The following ZNF469 variants were observed in gnomAD, a reference collection of about 807,000 sequenced individuals.
ZNF469 encodes zinc finger protein 469.
A neutral mutation model predicts 1.0 loss-of-function variants in ZNF469; 1 was observed. The observed-to-expected ratio is 1.00, with a 90% CI of 0.35 to 4.73. ZNF469 has a LOEUF of 4.73. Ranked by LOEUF, ZNF469 falls within the 30% of genes most tolerant of loss-of-function variation. ZNF469 has a pLI of 0.16. For missense variants in ZNF469, 6,100 were observed against 5,356.3 expected, an observed-to-expected ratio of 1.14 and a Z score of -4.33; for synonymous variants, 2,703 against 2,363.4, an observed-to-expected ratio of 1.14 and a Z score of -4.17.
At chr16:88,222,065 T>G in the ZNF469 span, among the ~76,000 whole-genome samples, 1 of 152,072 alleles carries the variant, frequency 6.6e-6, no homozygotes, top group African/African-American at 2.4e-5. Flanking sequence ...TCTCACACTT[T>G]CTGAGCTGAG....
the ZNF469 span, among the ~76,000 whole-genome samples, chr16:88,140,674 G>A: frequency 6.6e-6 from 1 of 152,236 alleles, no homozygotes; most frequent in Non-Finnish European, 1.5e-5. Context: ...GCTCAGGCCT[G>A]TAATCCCAGC....
At chr16:88,250,083 A>G in the ZNF469 span, among the ~76,000 whole-genome samples, 1 of 152,258 alleles carries the variant, frequency 6.6e-6, no homozygotes, top group Non-Finnish European at 1.5e-5. Context: ...AGTATAATGT[A>G]TGTGCAGAAA....
the ZNF469 span, among the ~76,000 whole-genome samples, chr16:88,137,490 A>C: frequency 6.6e-6 from 1 of 151,296 alleles, no homozygotes; most frequent in African/African-American, 2.4e-5. Flanking sequence ...AATTATGTGC[A>C]CATATGACCG....
chr16:88,225,110 G>A, the ZNF469 span, among the ~76,000 whole-genome samples: 1 of 152,346 alleles, frequency 6.6e-6, no homozygotes, highest in Non-Finnish European at 1.5e-5. Context: ...CCTGGCGCAG[G>A]GATCACCCGA....
At chr16:88,247,524 ATGAG>A in the ZNF469 span, among the ~76,000 whole-genome samples, 17 of 150,390 alleles carry the variant, frequency 1.1e-4, no homozygotes, top group African/African-American at 3.4e-4. Context: ...GAGTGAGTGA[ATGAG>A]TGAGTGAGTG....
At chr16:88,397,509 G>A (rs1460308462) in intron 1 of ZNF469, among the ~76,000 whole-genome samples, 9 of 152,200 alleles carry the variant, frequency 5.9e-5, no homozygotes, top group African/African-American at 1.7e-4. Flanking sequence ...GGGCAAGGTC[G>A]TGTATCTCAA....
the ZNF469 span, among the ~76,000 whole-genome samples, chr16:88,164,184 G>T: frequency 2.4e-4 from 36 of 151,320 alleles, no homozygotes; most frequent in African/African-American, 8.7e-4. Context: ...ATGGATGGAC[G>T]AGTGGGTGGA....
the ZNF469 span, among the ~76,000 whole-genome samples, chr16:88,157,569 A>G: frequency 2.0e-5 from 3 of 152,128 alleles, no homozygotes; most frequent in Middle Eastern, 6.8e-3. Flanking sequence ...CCCCCTCCCA[A>G]GGCCCCCAAA....
chr16:88,363,338 T>C, the ZNF469 span, among the ~76,000 whole-genome samples: 1 of 152,238 alleles, frequency 6.6e-6, no homozygotes, highest in African/African-American at 2.4e-5. Flanking sequence ...TTAGAACCTT[T>C]AGATTCTGCT....
chr16:88,183,232 C>T, the ZNF469 span, among the ~76,000 whole-genome samples: 1 of 152,132 alleles, frequency 6.6e-6, no homozygotes, highest in Admixed American at 6.5e-5. Context: ...GGGTGGAAAA[C>T]GGGGCTGCCA....
chr16:88,236,797 G>A, the ZNF469 span, among the ~76,000 whole-genome samples: 1 of 151,946 alleles, frequency 6.6e-6, no homozygotes, highest in South Asian at 2.1e-4. Context: ...AACCTGGGAG[G>A]CGGAGGTTGC....
intron 1 of ZNF469, among the ~76,000 whole-genome samples, chr16:88,384,025 C>A (rs1402767378): frequency 6.6e-6 from 1 of 152,144 alleles, no homozygotes; most frequent in Non-Finnish European, 1.5e-5. Flanking sequence ...AGGGACAGGT[C>A]CCCGGCGGGG....
At chr16:88,247,096 C>T in the ZNF469 span, among the ~76,000 whole-genome samples, 304 of 138,860 alleles carry the variant, frequency 2.2e-3, 1 homozygote, top group Admixed American at 3.4e-3. Context: ...ACTGAGTGAA[C>T]GAGTGAGTGA....
the ZNF469 span, among the ~76,000 whole-genome samples, chr16:88,193,170 GGGGATGGTGGTGATGGTGGTGGTGGT>G: frequency 2.1e-3 from 13 of 6,054 alleles, 1 homozygote; most frequent in African/African-American, 7.3e-3. Flanking sequence ...TGATGGTGGT[GGGGATGGTGGTGATGGTGGTGGTGGT>G]GATGGTGGTG....
At position 88,435,179 on chromosome 16, in the gene ZNF469, G is replaced by A; in HGVS notation, c.7709G>A (p.Ser2570Asn). 1 of 1,550,366 alleles carries A rather than the reference G, an allele frequency of 6.5e-7. No homozygotes were observed. The highest frequency in any genetic ancestry group is 1.2e-5 in the South Asian group (1 of 84,058). Residue 2570 changes from serine (S) to asparagine (N), a missense_variant, in exon 3 of 3, where the codon AGC (serine) becomes AAC (asparagine). By Grantham distance (46) the Ser-to-Asn change is conservative (BLOSUM62 1). Transcript: ENST00000565624. ...CTCAGAGCACCGGGGTCCCCACACA[G>A]CCAGCAGCTGCACCCTCCAAGCCCT... ...EVLRAPGSPH[S>N]QQLHPPSPTE...
rs1158755904 is a variant in ZNF469, at chr16:88,383,010, G to A, written c.-436G>A. Among the ~76,000 whole-genome samples the A allele has an allele frequency of 6.6e-6, 1 of 151,914 alleles. No individual in the cohort carries two copies. The highest frequency in any genetic ancestry group is 6.6e-5 in the Admixed American group (1 of 15,264). On this transcript the variant is annotated 5_prime_UTR_variant, in exon 1 of 3. Transcript: ENST00000565624. ...CGGCCTTCCCAGCACCCGGCCCAGG[G>A]CTGGAGCTGGCTGCAGGGCTGGCCC...
At chr16:88,150,771 G>T in the ZNF469 span, among the ~76,000 whole-genome samples, 5 of 151,276 alleles carry the variant, frequency 3.3e-5, no homozygotes, top group African/African-American at 1.2e-4. Context: ...GTGGGAGGGC[G>T]CTAATTTTGA....
the ZNF469 span, among the ~76,000 whole-genome samples, chr16:88,216,584 G>C: frequency 6.6e-6 from 1 of 151,866 alleles, no homozygotes. Flanking sequence ...GTTGATTCTT[G>C]GAAGACACAG....
the ZNF469 span, among the ~76,000 whole-genome samples, chr16:88,140,808 C>A: frequency 2.6e-5 from 4 of 152,250 alleles, no homozygotes; most frequent in East Asian, 7.7e-4. Context: ...TGGCGGGCGC[C>A]TATAATCCCT....
Sources: gnomAD v4.1 joint callset for allele counts (sites outside exome capture counted in the v4.1 genomes callset) on GRCh38, gnomAD v4.1.1 for gene constraint, MANE v1.5 for transcripts, NCBI Gene and HGNC (gene_info 2026-07-23, HGNC 2026-07-21) for gene names.